Variants in ZDHHC14 observed in about 807,000 individuals in gnomAD.
The protein encoded by ZDHHC14 is palmitoyltransferase ZDHHC14.
Under a neutral mutation model 47.7 loss-of-function variants are expected in ZDHHC14, and 16 were observed. The ratio of observed to expected loss-of-function variants is 0.34; its 90% CI spans 0.23 to 0.51. The LOEUF (loss-of-function observed/expected upper bound fraction) is 0.51, where lower values mean the gene tolerates loss of function less well. Ranked by LOEUF, ZDHHC14 falls within the 20% of genes least tolerant of loss-of-function variation. ZDHHC14 has a pLI of 0.97. For synonymous variants in ZDHHC14, 293 were observed against 278.9 expected (o/e 1.05, Z -0.50); for missense variants, 515 against 662.5 (o/e 0.78, Z 2.44).
chr6:157,612,907 G>GA (rs369559480), intron 3 of ZDHHC14, among the ~76,000 whole-genome samples: 2 of 149,456 alleles, frequency 1.3e-5, no homozygotes, highest in East Asian at 1.9e-4. Context: ...CAACTGGGGG[G>GA]AAAAAAAAAG....
intron 3 of ZDHHC14, among the ~76,000 whole-genome samples, chr6:157,609,408 G>C (rs571710347): frequency 6.6e-6 from 1 of 152,346 alleles, no homozygotes; most frequent in Non-Finnish European, 1.5e-5. Context: ...TTTGTGTAGG[G>C]TGATGGCCAC....
intron 3 of ZDHHC14, among the ~76,000 whole-genome samples, chr6:157,617,143 C>T (rs749102183): frequency 6.6e-5 from 10 of 152,172 alleles, no homozygotes; most frequent in South Asian, 6.2e-4. Context: ...GCATTAGTGA[C>T]AGTCACGAGA....
chr6:157,564,294 G>A (rs1055779042), intron 2 of ZDHHC14, among the ~76,000 whole-genome samples: 10 of 152,142 alleles, frequency 6.6e-5, no homozygotes, highest in African/African-American at 1.4e-4. Flanking sequence ...TCCCTCTGCC[G>A]TCTTCATGTC....
intron 1 of ZDHHC14, among the ~76,000 whole-genome samples, chr6:157,413,210 G>A (rs1269601695): frequency 1.3e-5 from 2 of 152,196 alleles, no homozygotes; most frequent in African/African-American, 4.8e-5. Flanking sequence ...GCAGGGGGTC[G>A]AGGGGTGGGC....
intron 1 of ZDHHC14, among the ~76,000 whole-genome samples, chr6:157,460,393 ACT>A (rs71558067): frequency 2.5e-5 from 3 of 120,646 alleles, no homozygotes; most frequent in Non-Finnish European, 4.8e-5. Flanking sequence ...AGCCAGACTC[ACT>A]CTCTCTCTGG....
intron 1 of ZDHHC14, among the ~76,000 whole-genome samples, chr6:157,445,498 T>G (rs1778647678): frequency 6.6e-6 from 1 of 152,196 alleles, no homozygotes; most frequent in African/African-American, 2.4e-5. Flanking sequence ...CAGAGGATAC[T>G]TTTCAGGCTT....
chr6:157,521,699 C>G (rs867114538), intron 1 of ZDHHC14, among the ~76,000 whole-genome samples: 23 of 152,194 alleles, frequency 1.5e-4, no homozygotes, highest in Admixed American at 2.6e-4. Context: ...GAGGGAGGAC[C>G]ACAAACATTA....
intron 3 of ZDHHC14, among the ~76,000 whole-genome samples, chr6:157,604,075 C>G (rs1784438502): frequency 6.6e-6 from 1 of 151,964 alleles, no homozygotes; most frequent in Non-Finnish European, 1.5e-5. Flanking sequence ...TGGCTTGAGC[C>G]CAGGAGTTCA....
At chr6:157,563,160 TGGAGGCTG>T (rs574097650) in intron 2 of ZDHHC14, among the ~76,000 whole-genome samples, 10 of 152,184 alleles carry the variant, frequency 6.6e-5, no homozygotes, top group Non-Finnish European at 1.2e-4. Flanking sequence ...ACTACAAGCC[TGGAGGCTG>T]GAGGGGAAGG....
At chr6:157,540,132 G>T (rs1045024888) in intron 1 of ZDHHC14, among the ~76,000 whole-genome samples, 15 of 152,146 alleles carry the variant, frequency 9.9e-5, no homozygotes, top group African/African-American at 3.6e-4. Context: ...TCCTTTCTGG[G>T]ATGGCTCTGA....
intron 1 of ZDHHC14, among the ~76,000 whole-genome samples, chr6:157,429,302 A>C (rs992882752): frequency 6.6e-6 from 1 of 152,206 alleles, no homozygotes; most frequent in Non-Finnish European, 1.5e-5. Flanking sequence ...AGAATGGAAA[A>C]TAGAGTACGT....
At position 157,642,250 on chromosome 6, in the gene ZDHHC14, G is replaced by A. The variant is rs372132007; in HGVS notation, c.753-3487G>A. On this transcript the variant is annotated intron_variant, in intron 5 of 8. Coordinates refer to ENST00000359775, the MANE Select transcript of ZDHHC14 (RefSeq NM_024630.3). ...CTTTTGTGATCCTCCAAATACTGAC[G>A]CATCCTAACCATTCTGCCTCCTGCA... 6.7e-4 allele frequency among the ~76,000 whole-genome samples: 102 copies of A among 152,198 alleles called. No individual in the cohort carries two copies. The South Asian group carries it at 0.01, about 16-fold the overall frequency.
chr6:157,450,998 T>TTGTG (rs34066002), intron 1 of ZDHHC14, among the ~76,000 whole-genome samples: 3,262 of 147,606 alleles, frequency 0.022, 64 homozygotes, highest in African/African-American at 0.058. Context: ...AAGTCTGGTC[T>TTGTG]TGTGTGTGTG....
At chr6:157,647,199 A>G in intron 6 of ZDHHC14, 60 bp from the exon 7 acceptor site, 2 of 1,165,928 alleles carry the variant, frequency 1.7e-6, no homozygotes, top group Non-Finnish European at 2.6e-6. Context: ...GGTCCAGCTC[A>G]CCTCAACTGT....
chr6:157,541,326 AG>A (rs1781757549), intron 1 of ZDHHC14, among the ~76,000 whole-genome samples: 1 of 152,162 alleles, frequency 6.6e-6, no homozygotes. Context: ...GTCTCAGCAA[AG>A]GGGATCACGG....
chr6:157,494,042 C>T (rs1254898184), intron 1 of ZDHHC14, among the ~76,000 whole-genome samples: 1 of 152,224 alleles, frequency 6.6e-6, no homozygotes, highest in Non-Finnish European at 1.5e-5. Flanking sequence ...GAGTGGTCCT[C>T]CCCGCAGGAG....
intron 2 of ZDHHC14, among the ~76,000 whole-genome samples, chr6:157,560,268 A>G (rs1782653765): frequency 6.6e-6 from 1 of 152,222 alleles, no homozygotes; most frequent in South Asian, 2.1e-4. Context: ...TCAGTTGCCT[A>G]CACAACAGCT....
intron 1 of ZDHHC14, among the ~76,000 whole-genome samples, chr6:157,521,592 G>C (rs908503428): frequency 1.3e-5 from 2 of 152,200 alleles, no homozygotes; most frequent in South Asian, 2.1e-4. Flanking sequence ...GCTCTTTGGG[G>C]CCTCTTTTAC....
At chr6:157,587,621 G>A (rs553537409) in intron 2 of ZDHHC14, among the ~76,000 whole-genome samples, 160 of 152,312 alleles carry the variant, frequency 1.1e-3, no homozygotes, top group African/African-American at 3.8e-3. Context: ...AGAAGTAGGA[G>A]ACCTGCTTCT....
Sources: gnomAD v4.1 joint callset for allele counts (sites outside exome capture counted in the v4.1 genomes callset) on GRCh38, gnomAD v4.1.1 for gene constraint, MANE v1.5 for transcripts, NCBI Gene and HGNC (gene_info 2026-07-23, HGNC 2026-07-21) for gene names.